ZNF804A: variants seen among roughly 807,000 people sequenced by gnomAD.
ZNF804A encodes zinc finger protein 804A.
A neutral mutation model predicts 16.5 loss-of-function variants in ZNF804A; 2 were observed. The ratio of observed to expected loss-of-function variants is 0.12; its 90% CI spans 0.05 to 0.38. The LOEUF (loss-of-function observed/expected upper bound fraction) is 0.38. Ranked by LOEUF, ZNF804A falls within the 10% of genes least tolerant of loss-of-function variation. ZNF804A has a pLI of 0.99. For missense variants in ZNF804A, 1,473 were observed against 1,390.7 expected (o/e 1.06, Z -0.94); for synonymous variants, 534 against 489.6 (o/e 1.09, Z -1.20).
At position 184,621,519 on chromosome 2, in the gene ZNF804A, A is replaced by G. The variant is rs947886087; in HGVS notation, c.111+22449A>G. The stretch of plus-strand genomic sequence containing the variant: ...GCTACTAGAGAAAGTATGTGTCTGC[A>G]TTGGTGTGTACATATTCATTTATTT... On this transcript the variant is annotated intron_variant, in intron 1 of 3. Coordinates refer to ENST00000302277, the MANE Select transcript of ZNF804A (RefSeq NM_194250.2). Among the ~76,000 whole-genome samples the G allele has an allele frequency of 5.3e-5, 8 of 151,850 alleles. No homozygotes were observed. The East Asian group carries it at 9.7e-4, about 18-fold the overall frequency.
chr2:184,749,162 A>G (rs1693839673), intron 1 of ZNF804A, among the ~76,000 whole-genome samples: 1 of 151,150 alleles, frequency 6.6e-6, no homozygotes, highest in African/African-American at 2.4e-5. Context: ...GTAAATTGCT[A>G]TGAGAAGTAT....
At chr2:184,645,481 G>A (rs1369259944) in intron 1 of ZNF804A, among the ~76,000 whole-genome samples, 1 of 151,984 alleles carries the variant, frequency 6.6e-6, no homozygotes, top group Non-Finnish European at 1.5e-5. Context: ...GGTGATGAAC[G>A]TTTTTAAATA....
Position 184,686,296 on chromosome 2 carries a change from GC to G in ZNF804A, c.111+87231del, listed in dbSNP as rs549405703. Among the ~76,000 whole-genome samples the G allele has an allele frequency of 5.0e-3, 755 of 152,224 alleles. 6 individuals carry two copies. The highest frequency in any genetic ancestry group is 7.6e-3 in the Non-Finnish European group (520 of 67,998). ...CTTCCACCTTTTCCAGCTCTTGCTG[GC>G]CCCCTGGAGCATGTAACCCCAGCTG... is the stretch of plus-strand genomic sequence containing the variant. On this transcript the variant is annotated intron_variant, in intron 1 of 3. Transcript: ENST00000302277.
chr2:184,689,227 C>T (rs909045823), intron 1 of ZNF804A, among the ~76,000 whole-genome samples: 1 of 152,086 alleles, frequency 6.6e-6, no homozygotes, highest in Non-Finnish European at 1.5e-5. Context: ...TTGATCTCAC[C>T]TAAAAATATT....
chr2:184,630,159 A>G (rs1467080286), intron 1 of ZNF804A, among the ~76,000 whole-genome samples: 2 of 152,152 alleles, frequency 1.3e-5, no homozygotes, highest in Non-Finnish European at 2.9e-5. Flanking sequence ...TACTTCTGCT[A>G]TAATCTAAGT....
chr2:184,868,053 T>C (rs1276611839), intron 2 of ZNF804A, among the ~76,000 whole-genome samples: 2 of 152,102 alleles, frequency 1.3e-5, no homozygotes, highest in East Asian at 3.9e-4. Flanking sequence ...GTGAACTTAG[T>C]ATACTATATA....
chr2:184,827,805 T>C (rs1188844200), intron 1 of ZNF804A, among the ~76,000 whole-genome samples: 2 of 151,702 alleles, frequency 1.3e-5, no homozygotes, highest in African/African-American at 4.8e-5. Context: ...AATAAGTATA[T>C]CCATTCACCT....
rs193000214 is a variant in ZNF804A, at chr2:184,938,715, G to C, written c.3319G>C (p.Ala1107Pro). Residue 1107 changes from alanine to proline, a missense_variant, in exon 4 of 4, where the codon GCT becomes CCT. Physicochemically the swap from Ala to Pro is conservative, Grantham distance 27. Transcript: ENST00000302277. ...TIHHTVLQQH[A>P]AAAAAAAAAA... Reference sequence around the variant, plus strand: ...CCATCACACTGTTTTGCAGCAGCACGCTGCAGCTGCTGCAGCTGCAGCTGC... The same window carrying C: ...CCATCACACTGTTTTGCAGCAGCACCCTGCAGCTGCTGCAGCTGCAGCTGC... The C allele has an allele frequency of 2.5e-6, 4 of 1,611,054 alleles. No individual in the cohort carries two copies. Among genetic ancestry groups the C allele is most frequent in the Non-Finnish European group, 3.4e-6 (4 of 1,178,150 alleles).
chr2:184,618,402 G>T (rs560077289), intron 1 of ZNF804A, among the ~76,000 whole-genome samples: 1 of 151,984 alleles, frequency 6.6e-6, no homozygotes, highest in Non-Finnish European at 1.5e-5. Flanking sequence ...GATTATATAC[G>T]CACGAAGTAG....
chr2:184,774,257 A>T (rs1224962848), intron 1 of ZNF804A, among the ~76,000 whole-genome samples: 1 of 151,936 alleles, frequency 6.6e-6, no homozygotes, highest in African/African-American at 2.4e-5. Flanking sequence ...CAGAATTTAC[A>T]TCTATTTGGT....
chr2:184,865,677 G>A (rs1227170451), intron 1 of ZNF804A, among the ~76,000 whole-genome samples: 1 of 152,010 alleles, frequency 6.6e-6, no homozygotes, highest in African/African-American at 2.4e-5. Flanking sequence ...ATCTTCTCAG[G>A]GGTTTGGTTA....
intron 1 of ZNF804A, among the ~76,000 whole-genome samples, chr2:184,675,176 A>T (rs1692401495): frequency 6.6e-6 from 1 of 151,884 alleles, no homozygotes; most frequent in African/African-American, 2.4e-5. Context: ...ACCTATGTGT[A>T]TTCACACAAA....
intron 1 of ZNF804A, among the ~76,000 whole-genome samples, chr2:184,639,648 A>ATT (rs1368735329): frequency 1.3e-5 from 2 of 152,200 alleles, no homozygotes; most frequent in Non-Finnish European, 2.9e-5. Context: ...AGACATTTTA[A>ATT]TTTCATCTGT....
intron 1 of ZNF804A, among the ~76,000 whole-genome samples, chr2:184,832,301 T>C (rs763729186): frequency 5.3e-5 from 8 of 152,060 alleles, no homozygotes; most frequent in Non-Finnish European, 1.2e-4. Context: ...TGCTGACTTA[T>C]ATGACTCCTT....
chr2:184,681,580 A>G (rs1287674058), intron 1 of ZNF804A, among the ~76,000 whole-genome samples: 2 of 152,124 alleles, frequency 1.3e-5, no homozygotes, highest in Non-Finnish European at 2.9e-5. Flanking sequence ...TCAATAACAA[A>G]CTCCTCCAAT....
intron 1 of ZNF804A, among the ~76,000 whole-genome samples, chr2:184,823,749 A>G (rs1695119099): frequency 6.6e-6 from 1 of 152,138 alleles, no homozygotes; most frequent in Admixed American, 6.6e-5. Context: ...CATTGGTGAT[A>G]TACTTGAAAA....
rs563661785 is a variant in ZNF804A at position 184,659,974 on chromosome 2, G to A, written c.111+60904G>A. ...TTAGGAGGTAAAATTAGCCGGGTGT[G>A]GTTTTGTGTACCCGTAGTTCCACCT... is the stretch of plus-strand genomic sequence containing the variant. On this transcript the variant is annotated intron_variant, in intron 1 of 3. Transcript: ENST00000302277. 7.9e-5 allele frequency among the ~76,000 whole-genome samples: 12 copies of A among 152,244 alleles called. No individual in the cohort carries two copies. The South Asian group carries it at 1.9e-3, about 24-fold the overall frequency.
intron 2 of ZNF804A, among the ~76,000 whole-genome samples, chr2:184,906,429 G>A (rs1685275768): frequency 6.6e-6 from 1 of 152,068 alleles, no homozygotes; most frequent in East Asian, 1.9e-4. Context: ...TTCCCCGAGT[G>A]GCTGGGACTA....
In ZNF804A at chr2:184,827,106, A is replaced by T. The variant is rs149137337; in HGVS notation, c.112-39263A>T. On this transcript the variant is annotated intron_variant, in intron 1 of 3. Transcript: ENST00000302277. Reference sequence around the variant, plus strand: ...AGCTGTTAAATGTCATTTCTACTGCAGAGGTCCTACATGAGTTAACATTAT... The same window carrying T: ...AGCTGTTAAATGTCATTTCTACTGCTGAGGTCCTACATGAGTTAACATTAT... Among the ~76,000 whole-genome samples, 982 of 151,976 alleles carry T rather than the reference A, an allele frequency of 6.5e-3. 15 individuals carry two copies. Among genetic ancestry groups the T allele is most frequent in the African/African-American group, 0.022 (913 of 41,518 alleles).
Sources: allele counts gnomAD v4.1 joint callset (sites outside exome capture counted in the v4.1 genomes callset), GRCh38; gene constraint gnomAD v4.1.1; transcripts MANE v1.5; gene names NCBI Gene and HGNC (gene_info 2026-07-23, HGNC 2026-07-21).